COL5A1: variants seen among roughly 807,000 people sequenced by gnomAD.
COL5A1 encodes the protein collagen type V alpha 1 chain.
Under a neutral mutation model 263.7 loss-of-function variants are expected in COL5A1, and 16 were observed. That is an observed-to-expected ratio of 0.06 (90% CI 0.04 to 0.09). COL5A1 has a LOEUF of 0.09. COL5A1 is among the 10% of genes least tolerant of loss of function. The probability of loss-of-function intolerance (pLI) is 1.00; values close to 1 mark genes in which losing one functional copy is unlikely to be tolerated. For synonymous variants in COL5A1, 1,012 were observed against 1,004.5 expected, an observed-to-expected ratio of 1.01 and a Z score of -0.14; for missense variants, 2,036 against 2,540.5, an observed-to-expected ratio of 0.80 and a Z score of 4.27.
Position 134,754,630 on chromosome 9 carries a change from A to G in COL5A1, c.1827+304A>G, listed in dbSNP as rs193050251. Among the ~76,000 whole-genome samples, 214 of 152,342 alleles carry G rather than the reference A, an allele frequency of 1.4e-3. No homozygotes were observed. The highest frequency in any genetic ancestry group is 4.8e-3 in the African/African-American group (200 of 41,578). On this transcript the variant is annotated intron_variant, in intron 16 of 65. Coordinates refer to ENST00000371817, the MANE Select transcript of COL5A1 (RefSeq NM_000093.5). This position sits in a 1 kb window ranked among gnomAD's most constrained non-coding sequence, Gnocchi z 4.3. ...TTTGGGAGCAAATGTTAAGAAGACA[A>G]AACTATCAGCGGGCCTTATATATTT...
intron 1 of COL5A1, among the ~76,000 whole-genome samples, chr9:134,646,336 C>G (rs1435350280): frequency 6.6e-6 from 1 of 152,098 alleles, no homozygotes; most frequent in African/African-American, 2.4e-5. Context: ...GGGGAGCTTC[C>G]TGGAGGAGGT....
intron 32 of COL5A1, among the ~76,000 whole-genome samples, chr9:134,791,410 G>GC (rs1467822387): frequency 1.3e-5 from 2 of 152,224 alleles, no homozygotes; most frequent in African/African-American, 4.8e-5. Flanking sequence ...AGGACACTGA[G>GC]CACAGCCTTT....
chr9:134,747,845 G>A (rs1360250749), intron 11 of COL5A1, among the ~76,000 whole-genome samples: 7 of 96,234 alleles, frequency 7.3e-5, no homozygotes, highest in Admixed American at 3.5e-4. Flanking sequence ...GCAGACACAT[G>A]CACACATGCA....
intron 4 of COL5A1, among the ~76,000 whole-genome samples, chr9:134,712,429 C>T (rs549881004): frequency 3.1e-5 from 4 of 127,468 alleles, no homozygotes; most frequent in Admixed American, 2.3e-4. Flanking sequence ...CTACTCCTTC[C>T]TGTTCCCCCT....
chr9:134,744,602 C>G (rs1835420026), intron 11 of COL5A1, among the ~76,000 whole-genome samples: 1 of 151,454 alleles, frequency 6.6e-6, no homozygotes, highest in African/African-American at 2.4e-5. Flanking sequence ...TGCACACTCA[C>G]CCACACCTGC....
chr9:134,766,643 C>T (rs1375568196), intron 22 of COL5A1, 145 bp downstream of exon 22: 1 of 812,848 alleles, frequency 1.2e-6, no homozygotes, highest in African/African-American at 1.7e-5. Context: ...TGCCCACCCT[C>T]CAGTGGTGAG....
At position 134,738,460 on chromosome 9, in the gene COL5A1, C is replaced by T. The variant is rs750785912; in HGVS notation, c.1390-14C>T. The T allele has an allele frequency of 1.2e-6, 2 of 1,614,024 alleles. No individual in the cohort carries two copies. Among genetic ancestry groups the T allele is most frequent in the African/African-American group, 1.3e-5 (1 of 75,062 alleles). On this transcript the variant is annotated splice_polypyrimidine_tract_variant and intron_variant, in intron 9 of 65. Transcript: ENST00000371817. ...TGGGCTGCGGTCTCAGACGCCCTCT[C>T]TCTGTCTCCCCAGGGCATGCTCATC...
Position 134,842,657 on chromosome 9 carries a change from G to A in COL5A1, c.*354G>A, listed in dbSNP as rs1338536117. The A allele has an allele frequency of 1.0e-5, 4 of 396,248 alleles. No homozygotes were observed. The highest frequency in any genetic ancestry group is 8.1e-5 in the African/African-American group (4 of 49,524). The allele number at this position is 396,248 out of a possible 1,614,324, so 24.5% of individuals were successfully genotyped here. A position where few individuals can be genotyped will look rare whatever the true frequency, so the allele number is the denominator to read the frequency against. ...AATAGGTCTCAGGGGTTGGGGGAGG[G>A]ACTGCCAGATTTGGACACTATATTT... is the stretch of plus-strand genomic sequence containing the variant. On this transcript the variant is annotated 3_prime_UTR_variant, in exon 66 of 66. Coordinates refer to ENST00000371817, the MANE Select transcript of COL5A1 (RefSeq NM_000093.5). This position sits in a 1 kb window ranked among gnomAD's most constrained non-coding sequence, Gnocchi z 5.8.
At chr9:134,768,632 G>C (rs575072924) in intron 25 of COL5A1, among the ~76,000 whole-genome samples, 169 bp downstream of exon 25, 1 of 152,332 alleles carries the variant, frequency 6.6e-6, no homozygotes, top group African/African-American at 2.4e-5. Context: ...TCATTCTTGG[G>C]TTCTGGACAC....
At chr9:134,717,530 C>G (rs767716616) in intron 4 of COL5A1, among the ~76,000 whole-genome samples, 3 of 152,200 alleles carry the variant, frequency 2.0e-5, no homozygotes, top group African/African-American at 4.8e-5. Context: ...TAGCGCTGCC[C>G]GTGGCTCTCC....
Position 134,814,044 on chromosome 9 carries a change from A to G in COL5A1, c.3906+8A>G. The G allele has an allele frequency of 6.4e-7, 1 of 1,550,536 alleles. No homozygotes were observed. The highest frequency in any genetic ancestry group is 8.7e-7 in the Non-Finnish European group (1 of 1,146,874). ...GGAGAAGGCGGCCCCCCGGTGAGTG[A>G]GCGGGCGCTGCGGGAGGGGTGGGAT... On this transcript the variant is annotated splice_region_variant and intron_variant, in intron 49 of 65. Coordinates refer to ENST00000371817, the MANE Select transcript of COL5A1 (RefSeq NM_000093.5).
chr9:134,694,911 A>G (rs1289890298), intron 2 of COL5A1, among the ~76,000 whole-genome samples: 3 of 152,036 alleles, frequency 2.0e-5, no homozygotes, highest in African/African-American at 7.2e-5. Context: ...GAGCTCTGGG[A>G]TCCACGTCCC....
intron 8 of COL5A1, 38 bp from the exon 9 acceptor site, chr9:134,732,033 C>A (rs759673248): frequency 1.9e-6 from 3 of 1,610,828 alleles, no homozygotes; most frequent in South Asian, 2.2e-5. Flanking sequence ...TCACTTTTCT[C>A]TCTGATTCTC....
intron 1 of COL5A1, among the ~76,000 whole-genome samples, chr9:134,658,465 C>T (rs1564370771): frequency 1.3e-5 from 2 of 152,150 alleles, no homozygotes; most frequent in African/African-American, 2.4e-5. Context: ...CCCTGCACGT[C>T]CCCCCGCCCC....
intron 16 of COL5A1, among the ~76,000 whole-genome samples, chr9:134,756,179 C>A (rs1185092994): frequency 6.6e-6 from 1 of 152,180 alleles, no homozygotes; most frequent in African/African-American, 2.4e-5. Flanking sequence ...GGCACCTTGT[C>A]CTTGACTGTG....
intron 37 of COL5A1, among the ~76,000 whole-genome samples, chr9:134,798,880 A>G (rs1838012568): frequency 6.6e-6 from 1 of 152,204 alleles, no homozygotes; most frequent in Non-Finnish European, 1.5e-5. Flanking sequence ...AAGTGCTGGG[A>G]AAGGGTCTAC....
chr9:134,783,240 G>A (rs1837327316), intron 29 of COL5A1, among the ~76,000 whole-genome samples: 1 of 152,208 alleles, frequency 6.6e-6, no homozygotes, highest in Admixed American at 6.5e-5. Context: ...AGGGTCCCTG[G>A]GACTCCCACA....
chr9:134,773,143 T>C (rs1836923944), intron 26 of COL5A1, among the ~76,000 whole-genome samples: 1 of 152,060 alleles, frequency 6.6e-6, no homozygotes, highest in Non-Finnish European at 1.5e-5. Context: ...TGTTCAGCCC[T>C]GGTCTTGACT....
chr9:134,652,948 G>A lies in COL5A1; in HGVS notation c.109+10652G>A. 1 of 307,778 alleles carries A rather than the reference G, an allele frequency of 3.2e-6. No individual in the cohort carries two copies. The highest frequency in any genetic ancestry group is 2.7e-5 in the South Asian group (1 of 37,450). 19.1% of individuals were successfully genotyped at this position (307,778 alleles called of 1,614,324 possible). A position where few individuals can be genotyped will look rare whatever the true frequency, so the allele number is the denominator to read the frequency against. On this transcript the variant is annotated intron_variant, in intron 1 of 65. Coordinates refer to ENST00000371817, the MANE Select transcript of COL5A1 (RefSeq NM_000093.5). This position sits in a 1 kb window ranked among gnomAD's most constrained non-coding sequence, Gnocchi z 4.4. ...CCACGCGGATGCTGGAGCGTCTGGG[G>A]GTGCCACACTTTGCAAACCACGAGT...
Sources: allele counts gnomAD v4.1 joint callset (sites outside exome capture counted in the v4.1 genomes callset), GRCh38; gene constraint gnomAD v4.1.1; non-coding constraint Gnocchi (gnomAD v3.1); transcripts MANE v1.5; gene names NCBI Gene and HGNC (gene_info 2026-07-23, HGNC 2026-07-21).